Variants in FSTL5 observed in about 807,000 individuals in gnomAD.
FSTL5 encodes the protein follistatin like 5.
In FSTL5, 62 loss-of-function variants were observed where a neutral mutation model predicts 89.1. The observed-to-expected ratio is 0.70, with a 90% CI of 0.57 to 0.86. FSTL5 has a LOEUF of 0.86. Ranked by LOEUF, FSTL5 falls within the 40% of genes least tolerant of loss-of-function variation. The pLI is 0.00. For missense variants in FSTL5, 1,057 were observed against 1,001.6 expected (o/e 1.06, Z -0.75); for synonymous variants, 383 against 346.2 (o/e 1.11, Z -1.18).
chr4:162,012,209 G>C (rs941249402), intron 3 of FSTL5, among the ~76,000 whole-genome samples: 1 of 152,182 alleles, frequency 6.6e-6, no homozygotes, highest in Non-Finnish European at 1.5e-5. Flanking sequence ...CAGGGTAACA[G>C]ACAGAGATGA....
intron 15 of FSTL5, among the ~76,000 whole-genome samples, chr4:161,438,221 A>AAGAAGAATGAATTTCATTAAAGGCAGG (rs1732638972): frequency 6.6e-6 from 1 of 152,202 alleles, no homozygotes; most frequent in African/African-American, 2.4e-5. Context: ...GCTGTCTATA[A>AAGAAGAATGAATTTCATTAAAGGCAGG]AAGTGAGATA....
intron 3 of FSTL5, among the ~76,000 whole-genome samples, chr4:162,017,231 T>C (rs996315998): frequency 6.6e-6 from 1 of 152,156 alleles, no homozygotes. Context: ...GGCTGAATGC[T>C]ATCATCATGT....
At chr4:161,818,650 T>G (rs964783180) in intron 4 of FSTL5, among the ~76,000 whole-genome samples, 2 of 152,220 alleles carry the variant, frequency 1.3e-5, no homozygotes, top group Non-Finnish European at 2.9e-5. Flanking sequence ...CGCACTGCGA[T>G]GGGGACAAGG....
rs149836705 is a variant in FSTL5, at chr4:162,011,101, T to C, written c.160+22524A>G. On this transcript the variant is annotated intron_variant, in intron 3 of 15. Transcript: ENST00000306100. ...CAGAACACATCTGATGTTTTTTTAT[T>C]TGCCTCTAATTGTTAGGAGAAGTGT... is the stretch of plus-strand genomic sequence containing the variant. Among the ~76,000 whole-genome samples, 253 of 152,238 alleles carry C rather than the reference T, an allele frequency of 1.7e-3. 1 individual carries two copies. Among genetic ancestry groups the C allele is most frequent in the African/African-American group, 5.6e-3 (231 of 41,536 alleles).
chr4:161,561,162 G>A (rs1380209026), intron 8 of FSTL5, among the ~76,000 whole-genome samples: 4 of 151,642 alleles, frequency 2.6e-5, no homozygotes, highest in Non-Finnish European at 1.5e-5. Context: ...TGACAGAAAT[G>A]TTGTTGTGCA....
At chr4:161,451,399 G>A (rs956398314) in intron 15 of FSTL5, among the ~76,000 whole-genome samples, 1 of 152,066 alleles carries the variant, frequency 6.6e-6, no homozygotes, top group Non-Finnish European at 1.5e-5. Context: ...GAAAATTACA[G>A]GCACAGAAAC....
rs1731575827 is a variant in FSTL5 at position 161,852,181 on chromosome 4, AT to A, written c.409+68222del. ...CTCTTTCAACATAGGTAGATATAAA[AT>A]ATATATATATATATTTATTTGAAAT... is the stretch of plus-strand genomic sequence containing the variant. On this transcript the variant is annotated intron_variant, in intron 4 of 15. Coordinates refer to ENST00000306100, the MANE Select transcript of FSTL5 (RefSeq NM_020116.5). Among the ~76,000 whole-genome samples, 3 of 4,414 alleles carry A rather than the reference AT, an allele frequency of 6.8e-4. No homozygotes were observed. The East Asian group carries it at 0.016, about 24-fold the overall frequency. 2.9% of individuals were successfully genotyped at this position (4,414 alleles called of 152,430 possible).
intron 3 of FSTL5, among the ~76,000 whole-genome samples, chr4:162,003,422 T>C (rs569610497): frequency 6.6e-6 from 1 of 152,178 alleles, no homozygotes; most frequent in Non-Finnish European, 1.5e-5. Flanking sequence ...GTTGGGACTC[T>C]CAATCATTAT....
chr4:161,675,309 A>G (rs1453536131), intron 6 of FSTL5, among the ~76,000 whole-genome samples: 1 of 151,864 alleles, frequency 6.6e-6, no homozygotes, highest in East Asian at 1.9e-4. Context: ...TAAAAACTGT[A>G]ACATCATATT....
chr4:161,710,176 C>G (rs1213972235), intron 6 of FSTL5, among the ~76,000 whole-genome samples: 1 of 152,096 alleles, frequency 6.6e-6, no homozygotes, highest in African/African-American at 2.4e-5. Flanking sequence ...CCATGTTGCC[C>G]AGGCTAGTCT....
At chr4:161,570,539 T>C (rs966669774) in intron 8 of FSTL5, among the ~76,000 whole-genome samples, 5 of 152,144 alleles carry the variant, frequency 3.3e-5, no homozygotes, top group Non-Finnish European at 7.4e-5. Flanking sequence ...CTGAGAGACA[T>C]TGGGAGCCAA....
intron 6 of FSTL5, among the ~76,000 whole-genome samples, chr4:161,737,333 G>A (rs1329268972): frequency 6.6e-6 from 1 of 151,928 alleles, no homozygotes; most frequent in Admixed American, 6.6e-5. Flanking sequence ...TCGTACTGAG[G>A]AATATACATG....
chr4:161,927,535 G>T (rs1437628929), intron 3 of FSTL5, among the ~76,000 whole-genome samples: 2 of 150,744 alleles, frequency 1.3e-5, no homozygotes, highest in South Asian at 2.2e-4. Context: ...AGTAATTTCT[G>T]TTATAATTAT....
chr4:161,649,740 C>T (rs1736272617), intron 7 of FSTL5, among the ~76,000 whole-genome samples: 1 of 152,146 alleles, frequency 6.6e-6, no homozygotes, highest in Non-Finnish European at 1.5e-5. Flanking sequence ...TATTTACTAG[C>T]CTCCCTGCTA....
Position 161,500,111 on chromosome 4 carries a change from A to G in FSTL5, c.1363T>C (p.Tyr455His). 1.2e-6 allele frequency: 2 copies of G among 1,600,028 alleles called. No homozygotes were observed. Among genetic ancestry groups the G allele is most frequent in the South Asian group, 1.1e-5 (1 of 89,796 alleles). The change falls in exon 12 of 16, where the codon TAT becomes CAT. Residue 455 changes from tyrosine (Y) to histidine (H), a missense_variant. Tyr to His is a moderately conservative substitution (Grantham distance 83, BLOSUM62 2). This residue lies in a region of FSTL5 where 980 missense variants were observed against 903.2 expected (regional missense o/e 1.08). Transcript: ENST00000306100. ...EEGLGIGNMF[Y>H]VFYEDGIKVI... ...TTGATTCCATCTTCATAAAAAACAT[A>G]GAACATGTTCCCAATTCCCAGACCT...
At chr4:161,650,065 C>T (rs1461843497) in intron 7 of FSTL5, among the ~76,000 whole-genome samples, 2 of 152,024 alleles carry the variant, frequency 1.3e-5, no homozygotes, top group Non-Finnish European at 2.9e-5. Context: ...ATAGTAAAGT[C>T]CTAGAACTTT....
chr4:161,631,503 G>T (rs1416450362), intron 7 of FSTL5, among the ~76,000 whole-genome samples: 1 of 152,146 alleles, frequency 6.6e-6, no homozygotes, highest in Non-Finnish European at 1.5e-5. Flanking sequence ...TGTAATTCCA[G>T]CTACTCAGGA....
At chr4:162,008,521 G>A (rs912064941) in intron 3 of FSTL5, among the ~76,000 whole-genome samples, 31 of 151,844 alleles carry the variant, frequency 2.0e-4, no homozygotes, top group African/African-American at 7.0e-4. Flanking sequence ...ATCTGGAGAT[G>A]GTCTAAAACT....
chr4:162,028,226 G>T (rs773174770), intron 3 of FSTL5, among the ~76,000 whole-genome samples: 2 of 152,126 alleles, frequency 1.3e-5, no homozygotes, highest in Non-Finnish European at 2.9e-5. Flanking sequence ...TACAAACAAT[G>T]ATTAACTTCA....
Sources: gnomAD v4.1 joint callset for allele counts (sites outside exome capture counted in the v4.1 genomes callset) on GRCh38, gnomAD v4.1.1 for gene constraint, gnomAD v4.1.1 regional missense constraint, MANE v1.5 for transcripts, NCBI Gene and HGNC (gene_info 2026-07-23, HGNC 2026-07-21) for gene names.